The following ZDHHC14 variants were observed in gnomAD, a reference collection of about 807,000 sequenced individuals.
The protein encoded by ZDHHC14 is zDHHC palmitoyltransferase 14, also known as palmitoyltransferase ZDHHC14.
In ZDHHC14, 16 loss-of-function variants were observed where a neutral mutation model predicts 47.7. The observed-to-expected ratio is 0.34, with a 90% confidence interval of 0.23 to 0.51. ZDHHC14 has a LOEUF of 0.51. Ranked by LOEUF, ZDHHC14 falls within the 20% of genes least tolerant of loss-of-function variation. ZDHHC14 has a pLI of 0.97. For missense variants in ZDHHC14, 515 were observed against 662.5 expected (o/e 0.78, Z 2.44); for synonymous variants, 293 against 278.9 (o/e 1.05, Z -0.50).
intron 5 of ZDHHC14, among the ~76,000 whole-genome samples, chr6:157,636,336 A>AGTGT (rs112041409): frequency 0.2 from 30,414 of 148,972 alleles, 4,751 homozygotes; most frequent in African/African-American, 0.44. Flanking sequence ...AGGATATATA[A>AGTGT]GTGTGTGTGT....
At chr6:157,456,889 T>C (rs1394771111) in intron 1 of ZDHHC14, among the ~76,000 whole-genome samples, 1 of 152,114 alleles carries the variant, frequency 6.6e-6, no homozygotes, top group Non-Finnish European at 1.5e-5. Flanking sequence ...GGCTCATGCC[T>C]GTAATCCCAG....
rs370019551 is a variant in ZDHHC14 at position 157,635,147 on chromosome 6, A to G, written c.752+2265A>G. ...TAGCTGGGATTACAGGTGCTGTGCC[A>G]CCACACTTGGCTAATTTTTATATTT... On this transcript the variant is annotated intron_variant, in intron 5 of 8. Transcript: ENST00000359775. Among the ~76,000 whole-genome samples the G allele has an allele frequency of 1.9e-3, 294 of 152,252 alleles. 1 individual carries two copies. Among genetic ancestry groups the G allele is most frequent in the African/African-American group, 6.6e-3 (276 of 41,524 alleles).
At chr6:157,614,778 G>GC (rs1408806474) in intron 3 of ZDHHC14, among the ~76,000 whole-genome samples, 2 of 137,786 alleles carry the variant, frequency 1.5e-5, no homozygotes, top group Admixed American at 7.1e-5. Flanking sequence ...TTTTTTTTTT[G>GC]TTTTTTTTTT....
intron 2 of ZDHHC14, among the ~76,000 whole-genome samples, chr6:157,579,190 GTTTTTTTTT>G (rs1187065924): frequency 6.4e-4 from 41 of 63,966 alleles, no homozygotes; most frequent in African/African-American, 1.8e-3. Context: ...TTGATTCTGT[GTTTTTTTTT>G]TTTTTTTTTT....
At chr6:157,590,361 T>C (rs545927948) in intron 2 of ZDHHC14, among the ~76,000 whole-genome samples, 1 of 152,130 alleles carries the variant, frequency 6.6e-6, no homozygotes, top group Non-Finnish European at 1.5e-5. Flanking sequence ...AAAAATGGTT[T>C]CCTGGGTCAG....
chr6:157,426,299 A>T (rs1562420496), intron 1 of ZDHHC14, among the ~76,000 whole-genome samples: 1 of 152,128 alleles, frequency 6.6e-6, no homozygotes, highest in Non-Finnish European at 1.5e-5. Flanking sequence ...TAAGGACTCG[A>T]CTTGGATGAT....
At chr6:157,422,495 G>T (rs988965443) in intron 1 of ZDHHC14, among the ~76,000 whole-genome samples, 1 of 152,170 alleles carries the variant, frequency 6.6e-6, no homozygotes, top group Non-Finnish European at 1.5e-5. Flanking sequence ...CTAGTGGAGC[G>T]TTACCCCGGG....
intron 1 of ZDHHC14, among the ~76,000 whole-genome samples, chr6:157,533,298 A>T (rs543216992): frequency 6.6e-6 from 1 of 152,170 alleles, no homozygotes; most frequent in Admixed American, 6.5e-5. Context: ...GCAAGGAAGT[A>T]TATATATTAA....
intron 1 of ZDHHC14, among the ~76,000 whole-genome samples, chr6:157,510,859 C>CCTCA (rs1780450407): frequency 6.6e-6 from 1 of 152,248 alleles, no homozygotes; most frequent in Non-Finnish European, 1.5e-5. Flanking sequence ...CCTCTGCCTT[C>CCTCA]CTCAGACACC....
At chr6:157,593,765 G>C (rs557802786) in intron 3 of ZDHHC14, among the ~76,000 whole-genome samples, 4 of 152,368 alleles carry the variant, frequency 2.6e-5, no homozygotes, top group African/African-American at 9.6e-5. Context: ...CCTTCTGCAA[G>C]TGACCCGGGC....
chr6:157,455,206 A>C (rs1289270765), intron 1 of ZDHHC14, among the ~76,000 whole-genome samples: 1 of 152,244 alleles, frequency 6.6e-6, no homozygotes, highest in Non-Finnish European at 1.5e-5. Context: ...CTGCATGGGC[A>C]GGAGGACCCA....
chr6:157,384,984 G>A (rs1019780669), intron 1 of ZDHHC14, among the ~76,000 whole-genome samples: 4 of 152,170 alleles, frequency 2.6e-5, no homozygotes, highest in Non-Finnish European at 5.9e-5. Context: ...GTCTGCCTAT[G>A]TTCCCCAGGC....
In ZDHHC14 at chr6:157,416,972, G is replaced by GTTTTTT. The variant is rs71027335; in HGVS notation, c.245+34730_245+34735dup. Among the ~76,000 whole-genome samples the GTTTTTT allele has an allele frequency of 8.3e-3, 378 of 45,530 alleles. 7 individuals are homozygous for GTTTTTT. The highest frequency in any genetic ancestry group is 9.7e-3 in the East Asian group (11 of 1,130). 29.9% of individuals were successfully genotyped at this position (45,530 alleles called of 152,430 possible). ...AGGTGCCCGCCACCATGCCTGGCTAGTTTTTTTTTTTTTTTTTTTTTTTTT... is the reference window on the plus strand; with the variant it reads ...AGGTGCCCGCCACCATGCCTGGCTAGTTTTTTTTTTTTTTTTTTTTTTTTTTTTTTT... On this transcript the variant is annotated intron_variant, in intron 1 of 8. Coordinates refer to ENST00000359775, the MANE Select transcript of ZDHHC14 (RefSeq NM_024630.3).
chr6:157,480,411 G>A (rs759727316), intron 1 of ZDHHC14, among the ~76,000 whole-genome samples: 1 of 151,964 alleles, frequency 6.6e-6, no homozygotes, highest in Non-Finnish European at 1.5e-5. Flanking sequence ...GGGACCACAG[G>A]CATGCACCAC....
intron 1 of ZDHHC14, among the ~76,000 whole-genome samples, chr6:157,516,157 C>G (rs1298612260): frequency 6.6e-6 from 1 of 152,180 alleles, no homozygotes; most frequent in Non-Finnish European, 1.5e-5. Context: ...CAAGCTATGT[C>G]TATGTTGTTT....
chr6:157,450,407 C>T (rs997426126), intron 1 of ZDHHC14, among the ~76,000 whole-genome samples: 5 of 150,978 alleles, frequency 3.3e-5, no homozygotes, highest in African/African-American at 9.8e-5. Flanking sequence ...CCTGAACATT[C>T]GGGAGGCTGA....
intron 1 of ZDHHC14, among the ~76,000 whole-genome samples, chr6:157,419,233 T>G (rs1375447146): frequency 6.6e-6 from 1 of 152,224 alleles, no homozygotes; most frequent in Non-Finnish European, 1.5e-5. Context: ...CCTATATTGA[T>G]TCATGATTAT....
At chr6:157,625,970 C>T (rs930322348) in intron 3 of ZDHHC14, among the ~76,000 whole-genome samples, 3 of 152,106 alleles carry the variant, frequency 2.0e-5, no homozygotes, top group Non-Finnish European at 4.4e-5. Context: ...CTGTCTCGTC[C>T]GCATCATCTG....
intron 1 of ZDHHC14, among the ~76,000 whole-genome samples, chr6:157,469,381 G>A (rs1779301512): frequency 6.6e-6 from 1 of 152,186 alleles, no homozygotes; most frequent in Non-Finnish European, 1.5e-5. Flanking sequence ...GACTTTTGGG[G>A]CAGTTGTGCC....
Sources: allele counts gnomAD v4.1 joint callset (sites outside exome capture counted in the v4.1 genomes callset), GRCh38; gene constraint gnomAD v4.1.1; transcripts MANE v1.5; gene names NCBI Gene and HGNC (gene_info 2026-07-23, HGNC 2026-07-21).